DRC11: variants seen among roughly 807,000 people sequenced by gnomAD.
DRC11 encodes IQ and AAA domain-containing protein 1.
chr2:236,439,347 A>C, the DRC11 span, among the ~76,000 whole-genome samples: 3 of 152,196 alleles, frequency 2.0e-5, no homozygotes, highest in Non-Finnish European at 4.4e-5. Context: ...TTTTAAAAAA[A>C]CTTTTGGGAT....
the DRC11 span, among the ~76,000 whole-genome samples, chr2:236,397,408 G>A: frequency 9.9e-5 from 15 of 152,254 alleles, no homozygotes; most frequent in South Asian, 3.1e-3. The surrounding 1 kb of genome is among the most constrained non-coding windows in gnomAD (Gnocchi z 5.0). Flanking sequence ...GATGCCCAGG[G>A]CAGCCACAAC....
At chr2:236,335,181 C>G in the DRC11 span, among the ~76,000 whole-genome samples, 1 of 152,170 alleles carries the variant, frequency 6.6e-6, no homozygotes, top group Non-Finnish European at 1.5e-5. The surrounding 1 kb of genome is among the most constrained non-coding windows in gnomAD (Gnocchi z 5.6). Flanking sequence ...GGAGAGACAA[C>G]TAAGCCACCG....
chr2:236,501,958 T>C, the DRC11 span, among the ~76,000 whole-genome samples: 2 of 152,004 alleles, frequency 1.3e-5, no homozygotes, highest in African/African-American at 4.8e-5. Context: ...AAAGCATAAC[T>C]CCAGACAGCA....
chr2:236,348,605 A>G, the DRC11 span, among the ~76,000 whole-genome samples: 1 of 152,066 alleles, frequency 6.6e-6, no homozygotes, highest in Non-Finnish European at 1.5e-5. This position sits in a 1 kb window ranked among gnomAD's most constrained non-coding sequence, Gnocchi z 7.4. Context: ...TTCCCCTGAC[A>G]ATTCAGTGCT....
chr2:236,500,681 C>T, the DRC11 span, among the ~76,000 whole-genome samples: 4 of 152,286 alleles, frequency 2.6e-5, no homozygotes, highest in South Asian at 6.2e-4. The surrounding 1 kb of genome is among the most constrained non-coding windows in gnomAD (Gnocchi z 6.3). Context: ...CATTGCTATA[C>T]AGAAATACCT....
At chr2:236,460,694 T>G in the DRC11 span, among the ~76,000 whole-genome samples, 3 of 152,158 alleles carry the variant, frequency 2.0e-5, no homozygotes, top group African/African-American at 7.2e-5. This position sits in a 1 kb window ranked among gnomAD's most constrained non-coding sequence, Gnocchi z 4.0. Context: ...GAAGTAGCCA[T>G]GCTGACAGTT....
At chr2:236,391,665 CTGTTTGGGGAA>C in the DRC11 span, among the ~76,000 whole-genome samples, 8 of 152,146 alleles carry the variant, frequency 5.3e-5, no homozygotes, top group African/African-American at 1.9e-4. This position sits in a 1 kb window ranked among gnomAD's most constrained non-coding sequence, Gnocchi z 4.5. Context: ...CAGTTGGGGG[CTGTTTGGGGAA>C]TGTGCTTTGG....
the DRC11 span, chr2:236,408,984 C>A: frequency 1.4e-6 from 1 of 707,252 alleles, no homozygotes; most frequent in Non-Finnish European, 2.6e-6. This position sits in a 1 kb window ranked among gnomAD's most constrained non-coding sequence, Gnocchi z 5.5. Flanking sequence ...ATCCTTAGGG[C>A]AGCTCTTCAC....
the DRC11 span, among the ~76,000 whole-genome samples, chr2:236,339,976 C>A: frequency 6.6e-6 from 1 of 152,218 alleles, no homozygotes; most frequent in Admixed American, 6.5e-5. Context: ...AATATGTAGG[C>A]CAATTTGGGA....
the DRC11 span, among the ~76,000 whole-genome samples, chr2:236,466,423 T>A: frequency 2.0e-5 from 3 of 152,246 alleles, no homozygotes; most frequent in African/African-American, 7.2e-5. Context: ...ACCCTTTGCA[T>A]TAGTCCATTT....
At chr2:236,439,843 TTTTAA>T in the DRC11 span, among the ~76,000 whole-genome samples, 3 of 152,184 alleles carry the variant, frequency 2.0e-5, no homozygotes, top group African/African-American at 7.2e-5. Flanking sequence ...AAGAAAACGT[TTTTAA>T]TTTAATTTAA....
At chr2:236,333,818 C>T in the DRC11 span, among the ~76,000 whole-genome samples, 5 of 152,116 alleles carry the variant, frequency 3.3e-5, no homozygotes, top group Admixed American at 6.5e-5. The surrounding 1 kb of genome is among the most constrained non-coding windows in gnomAD (Gnocchi z 6.0). Context: ...TCATTAGTAA[C>T]GGTGTACAGT....
the DRC11 span, among the ~76,000 whole-genome samples, chr2:236,388,190 T>C: frequency 6.6e-6 from 1 of 152,074 alleles, no homozygotes; most frequent in Non-Finnish European, 1.5e-5. Flanking sequence ...CTGTATTTCC[T>C]GAATCTGAAC....
At chr2:236,371,866 G>T in the DRC11 span, among the ~76,000 whole-genome samples, 3 of 151,982 alleles carry the variant, frequency 2.0e-5, no homozygotes, top group African/African-American at 7.3e-5. The surrounding 1 kb of genome is among the most constrained non-coding windows in gnomAD (Gnocchi z 5.1). Flanking sequence ...ATTTACTTCT[G>T]GTGTAAAGCA....
chr2:236,494,472 T>G, the DRC11 span, among the ~76,000 whole-genome samples: 81,775 of 152,034 alleles, frequency 0.54, 25,523 homozygotes, highest in African/African-American at 0.88. The surrounding 1 kb of genome is among the most constrained non-coding windows in gnomAD (Gnocchi z 4.2). Context: ...CCAGTGGGGG[T>G]TCAGATGAAA....
At chr2:236,444,778 C>A in the DRC11 span, among the ~76,000 whole-genome samples, 5 of 152,240 alleles carry the variant, frequency 3.3e-5, no homozygotes, top group Middle Eastern at 6.3e-3. Context: ...TCAAACCTTT[C>A]ATTCATATAG....
the DRC11 span, among the ~76,000 whole-genome samples, chr2:236,409,627 C>T: frequency 6.6e-6 from 1 of 152,002 alleles, no homozygotes; most frequent in Non-Finnish European, 1.5e-5. Flanking sequence ...TTGCCCTGGC[C>T]AGAACTTCCA....
chr2:236,483,644 A>G, the DRC11 span, among the ~76,000 whole-genome samples: 4 of 152,292 alleles, frequency 2.6e-5, no homozygotes, highest in African/African-American at 9.6e-5. The surrounding 1 kb of genome is among the most constrained non-coding windows in gnomAD (Gnocchi z 4.8). Flanking sequence ...ATTATGGTGA[A>G]CAACAAAGGC....
the DRC11 span, among the ~76,000 whole-genome samples, chr2:236,348,008 C>A: frequency 6.6e-6 from 1 of 152,120 alleles, no homozygotes; most frequent in Admixed American, 6.5e-5. This position sits in a 1 kb window ranked among gnomAD's most constrained non-coding sequence, Gnocchi z 7.4. Context: ...GCTTTGCCCC[C>A]GAGCTTTCAT....
Sources: gnomAD v4.1 joint callset for allele counts (sites outside exome capture counted in the v4.1 genomes callset) on GRCh38, gnomAD v4.1.1 for gene constraint, Gnocchi (gnomAD v3.1) non-coding constraint, MANE v1.5 for transcripts, NCBI Gene and HGNC (gene_info 2026-07-23, HGNC 2026-07-21) for gene names.